COG6: variants seen among roughly 807,000 people sequenced by gnomAD.
The protein encoded by COG6 is component of oligomeric golgi complex 6, also known as conserved oligomeric Golgi complex subunit 6.
A neutral mutation model predicts 88.8 loss-of-function variants in COG6; 74 were observed. The ratio of observed to expected loss-of-function variants is 0.83; its 90% CI spans 0.69 to 1.01. The LOEUF (loss-of-function observed/expected upper bound fraction) is 1.01, where lower values mean the gene tolerates loss of function less well. Among genes scored for constraint, COG6 ranks in the 50% least tolerant of loss-of-function variants. COG6 has a pLI of 0.00. For missense variants in COG6, 800 were observed against 797.9 expected, an observed-to-expected ratio of 1.00 and a Z score of -0.03; for synonymous variants, 286 against 278.7, an observed-to-expected ratio of 1.03 and a Z score of -0.26.
At chr13:39,698,785 G>C (rs1011098834) in intron 12 of COG6, among the ~76,000 whole-genome samples, 2 of 151,740 alleles carry the variant, frequency 1.3e-5, no homozygotes, top group Non-Finnish European at 2.9e-5. Flanking sequence ...TCCCCTAGAA[G>C]GTTGTTAAAA....
At chr13:39,713,814 A>C (rs1878374261) in intron 13 of COG6, among the ~76,000 whole-genome samples, 1 of 152,204 alleles carries the variant, frequency 6.6e-6, no homozygotes, top group Non-Finnish European at 1.5e-5. Flanking sequence ...AATGAAACTA[A>C]AGTGACAAAA....
exon 19 of COG6, chr13:39,790,242 A>G (rs1388089284): frequency 6.6e-6 from 1 of 152,166 alleles, no homozygotes; most frequent in Non-Finnish European, 1.5e-5. Flanking sequence ...GTTTTTCTCA[A>G]TTCCCTCATG....
intron 2 of COG6, 37 bp downstream of exon 2, chr13:39,659,544 C>T: frequency 6.4e-7 from 1 of 1,573,808 alleles, no homozygotes; most frequent in Non-Finnish European, 8.7e-7. Flanking sequence ...ATATTGAGAA[C>T]TTACTATTAC....
At chr13:39,735,832 T>C (rs1433108727) in intron 18 of COG6, among the ~76,000 whole-genome samples, 1 of 151,936 alleles carries the variant, frequency 6.6e-6, no homozygotes, top group African/African-American at 2.4e-5. Context: ...AAATGTGTCA[T>C]GCCACTCTCT....
rs528249809 is a variant in COG6, at chr13:39,741,793, A to G, written c.1827-9153A>G. ...TCCTCGAGAAAAGCAACCCCAAGAC[A>G]TATAATTGTCAGATTCACCAAGATT... is the stretch of plus-strand genomic sequence containing the variant. On this transcript the variant is annotated intron_variant, in intron 18 of 18. Transcript: ENST00000455146. 5.9e-5 allele frequency among the ~76,000 whole-genome samples: 9 copies of G among 152,178 alleles called. 1 individual carries two copies. The South Asian group carries it at 1.5e-3, about 25-fold the overall frequency.
chr13:39,750,747 T>G (rs770674928), intron 18 of COG6, among the ~76,000 whole-genome samples, 199 bp from the exon 19 acceptor site: 7 of 152,134 alleles, frequency 4.6e-5, no homozygotes, highest in Non-Finnish European at 7.4e-5. Flanking sequence ...GGAGAAAGAT[T>G]TAATAAATAA....
downstream of COG6, among the ~76,000 whole-genome samples, chr13:39,754,179 A>G (rs574140162): frequency 5.0e-4 from 76 of 152,252 alleles, no homozygotes; most frequent in African/African-American, 1.7e-3. Flanking sequence ...TATGATTTCT[A>G]AAAGTTGGCA....
intron 4 of COG6, among the ~76,000 whole-genome samples, chr13:39,667,356 G>A (rs764071279): frequency 2.0e-5 from 3 of 152,110 alleles, no homozygotes; most frequent in Non-Finnish European, 4.4e-5. Context: ...TTTACCCGTT[G>A]TGTGTTTTCT....
At chr13:39,660,556 T>C (rs181778891) in intron 2 of COG6, among the ~76,000 whole-genome samples, 17 of 152,338 alleles carry the variant, frequency 1.1e-4, no homozygotes, top group African/African-American at 4.1e-4. Context: ...AATAAAGGGA[T>C]ATTCAGTTTT....
chr13:39,751,487 A>T lies in COG6; in HGVS notation c.*394A>T. ...TTAGTATAAGGATATGACCTAATAA[A>T]TGTCTCCTTACCTAAAGATTCATTT... On this transcript the variant is annotated 3_prime_UTR_variant, in exon 19 of 19. Transcript: ENST00000455146. 1 of 1,260,646 alleles carries T rather than the reference A, an allele frequency of 7.9e-7. No individual in the cohort carries two copies. Among genetic ancestry groups the T allele is most frequent in the Non-Finnish European group, 1.0e-6 (1 of 964,326 alleles). The allele number at this position is 1,260,646 out of a possible 1,614,324, so 78.1% of individuals were successfully genotyped here. A position where few individuals can be genotyped will look rare whatever the true frequency, so the allele number is the denominator to read the frequency against.
At chr13:39,720,704 G>A (rs904007847) in intron 15 of COG6, among the ~76,000 whole-genome samples, 1 of 151,856 alleles carries the variant, frequency 6.6e-6, no homozygotes, top group African/African-American at 2.4e-5. Context: ...ATTTCTTTCA[G>A]TTTTTATAGT....
At chr13:39,762,793 A>G (rs1881059829) in intron 18 of COG6, among the ~76,000 whole-genome samples, 1 of 135,926 alleles carries the variant, frequency 7.4e-6, no homozygotes, top group African/African-American at 2.7e-5. Context: ...AAGCCTATGT[A>G]CCCTTTATTT....
At chr13:39,712,709 A>C (rs1305432028) in intron 13 of COG6, among the ~76,000 whole-genome samples, 1 of 152,240 alleles carries the variant, frequency 6.6e-6, no homozygotes, top group Non-Finnish European at 1.5e-5. Flanking sequence ...TATGCTTTGA[A>C]TATAACCAGT....
downstream of COG6, chr13:39,752,677 A>C: frequency 8.4e-7 from 1 of 1,185,550 alleles, no homozygotes; most frequent in Non-Finnish European, 1.1e-6. Context: ...TATCCTATTG[A>C]TGTGTTTTTA....
intron 13 of COG6, among the ~76,000 whole-genome samples, chr13:39,704,770 C>T (rs1349725495): frequency 6.6e-6 from 1 of 152,030 alleles, no homozygotes; most frequent in Non-Finnish European, 1.5e-5. Context: ...TATTAATTAC[C>T]AATCAATATT....
chr13:39,703,521 A>T (rs1272182691), intron 13 of COG6, among the ~76,000 whole-genome samples: 4 of 151,978 alleles, frequency 2.6e-5, no homozygotes, highest in Non-Finnish European at 1.5e-5. Context: ...TTGCCTTTAA[A>T]ATTTGCCTGT....
chr13:39,779,888 A>G (rs960518435), intron 18 of COG6, among the ~76,000 whole-genome samples: 9 of 152,226 alleles, frequency 5.9e-5, no homozygotes, highest in Admixed American at 4.6e-4. Context: ...CAAATAGTCC[A>G]TAGAGATATT....
At chr13:39,791,355 C>CAT (rs1458665265) in exon 19 of COG6, 2 of 151,882 alleles carry the variant, frequency 1.3e-5, no homozygotes, top group Non-Finnish European at 2.9e-5. Flanking sequence ...ATATGTGATC[C>CAT]ATAGTATTTT....
chr13:39,784,310 G>T (rs1881712332), intron 18 of COG6, among the ~76,000 whole-genome samples: 1 of 152,186 alleles, frequency 6.6e-6, no homozygotes, highest in Non-Finnish European at 1.5e-5. Context: ...GCCTAGAATA[G>T]CTGTGAGCAA....
Sources: gnomAD v4.1 joint callset for allele counts (sites outside exome capture counted in the v4.1 genomes callset) on GRCh38, gnomAD v4.1.1 for gene constraint, MANE v1.5 for transcripts, NCBI Gene and HGNC (gene_info 2026-07-23, HGNC 2026-07-21) for gene names.